P3H3: variants seen among roughly 807,000 people sequenced by gnomAD.
P3H3 encodes the protein prolyl 3-hydroxylase 3, also known as gene rich cluster, B.
Under a neutral mutation model 78.1 loss-of-function variants are expected in P3H3, and 64 were observed. The observed-to-expected ratio is 0.82, with a 90% CI of 0.67 to 1.01. The LOEUF (loss-of-function observed/expected upper bound fraction) is 1.01. P3H3 is among the 50% of genes least tolerant of loss of function. P3H3 has a pLI of 0.00. For missense variants in P3H3, 975 were observed against 982.2 expected (o/e 0.99, Z 0.10); for synonymous variants, 425 against 416.7 (o/e 1.02, Z -0.24).
Position 6,839,430 on chromosome 12 carries a change from G to A in P3H3, c.2180G>A (p.Gly727Glu), listed in dbSNP as rs1555122779. Residue 727 changes from glycine (G) to glutamate (E), a missense_variant, in exon 15 of 15, where the codon GGA (glycine) becomes GAA (glutamate). Transcript: ENST00000290510. ...RRHQRVQDKT[G>E]RAPRVREEL ...CACCAGAGGGTCCAAGACAAGACTG[G>A]AAGGGCACCTCGGGTTCGGGAGGAG... The A allele has an allele frequency of 6.4e-7, 1 of 1,551,784 alleles. No individual in the cohort carries two copies. The highest frequency in any genetic ancestry group is 8.7e-7 in the Non-Finnish European group (1 of 1,147,060).
At chr12:6,832,628 G>A (rs57782013) in intron 6 of P3H3, among the ~76,000 whole-genome samples, 9,561 of 151,774 alleles carry the variant, frequency 0.063, 437 homozygotes, top group African/African-American at 0.11. Context: ...TGGAGACAGA[G>A]TCTCACTCTG....
intron 13 of P3H3, 97 bp downstream of exon 13, chr12:6,838,130 C>A: frequency 6.7e-7 from 1 of 1,493,366 alleles, no homozygotes; most frequent in Non-Finnish European, 9.1e-7. Context: ...AGGGAAATGG[C>A]CAGGGCTTTT....
Position 6,838,037 on chromosome 12 carries a change from C to T in P3H3, c.1905+4C>T, listed in dbSNP as rs782401887. ...GCCCAACGCCCTCACTGTCACGGTG[C>T]GTGGAGTGGGGGGTGTGACGGTGTG... On this transcript the variant is annotated splice_donor_region_variant and intron_variant, in intron 13 of 14. Transcript: ENST00000290510. 27 of 1,598,516 alleles carry T rather than the reference C, an allele frequency of 1.7e-5. No homozygotes were observed. Among genetic ancestry groups the T allele is most frequent in the Middle Eastern group, 1.6e-4 (1 of 6,076 alleles).
rs145530658 is a variant in P3H3 at position 6,839,221 on chromosome 12, G to A, written c.2047-76G>A. On this transcript the variant is annotated intron_variant, in intron 14 of 14. Coordinates refer to ENST00000290510, the MANE Select transcript of P3H3 (RefSeq NM_014262.5). Reference sequence around the variant, plus strand: ...GGAGCCCCCGAGAAGGCTCACAGTCGGTGAGGGTCAGGGGCTGAGCTGACC... The same window carrying A: ...GGAGCCCCCGAGAAGGCTCACAGTCAGTGAGGGTCAGGGGCTGAGCTGACC... 6.5e-5 allele frequency: 102 copies of A among 1,569,302 alleles called. No individual in the cohort carries two copies. In the Admixed American group the frequency reaches 7.7e-4, roughly 12 times the overall value.
At chr12:6,830,962 C>T in intron 4 of P3H3, 192 bp downstream of exon 4, 1 of 873,938 alleles carries the variant, frequency 1.1e-6, no homozygotes, top group Non-Finnish European at 1.9e-6. Context: ...AGATGGGCTT[C>T]CTTCTGCCTT....
chr12:6,832,990 A>G (rs1231545133), intron 6 of P3H3, among the ~76,000 whole-genome samples: 3 of 151,774 alleles, frequency 2.0e-5, no homozygotes, highest in Non-Finnish European at 4.4e-5. Flanking sequence ...CCTGGCCAAC[A>G]TAGTGAAACC....
In P3H3 at chr12:6,829,726, G is replaced by A; in HGVS notation, c.499-133G>A. 1.1e-6 allele frequency: 1 copy of A among 917,858 alleles called. No homozygotes were observed. The allele number at this position is 917,858 out of a possible 1,614,324, so 56.9% of individuals were successfully genotyped here. A position where few individuals can be genotyped will look rare whatever the true frequency, so the allele number is the denominator to read the frequency against. ...TGCAGTTCGGGCGGTGGGCGGTTCT[G>A]ATTGGCCAGTCTTCCATGAGGCTCT... On this transcript the variant is annotated intron_variant, in intron 1 of 14. Coordinates refer to ENST00000290510, the MANE Select transcript of P3H3 (RefSeq NM_014262.5). The surrounding 1 kb of genome is among the most constrained non-coding windows in gnomAD (Gnocchi z 5.1).
Position 6,828,757 on chromosome 12 carries a change from C to A in P3H3, c.317C>A (p.Thr106Lys), listed in dbSNP as rs1943410932. The A allele has an allele frequency of 8.0e-7, 1 of 1,244,116 alleles. No homozygotes were observed. The highest frequency in any genetic ancestry group is 1.0e-6 in the Non-Finnish European group (1 of 994,150). 77.1% of individuals were successfully genotyped at this position (1,244,116 alleles called of 1,614,324 possible). A position where few individuals can be genotyped will look rare whatever the true frequency, so the allele number is the denominator to read the frequency against. The stretch of plus-strand genomic sequence containing the variant: ...GAGCCCGACTCCGGGCCGGGACCCA[C>A]GCAGGGGTCCTGGGAGCGACAGCTT... ...APEPDSGPGP[T>K]QGSWERQLLR... The change falls in exon 1 of 15, where the codon ACG becomes AAG. Residue 106 changes from threonine (T) to lysine (K), a missense_variant. Thr to Lys is a moderately conservative substitution (Grantham distance 78, BLOSUM62 -1). Coordinates refer to ENST00000290510, the MANE Select transcript of P3H3 (RefSeq NM_014262.5).
chr12:6,834,221 A>G (rs1412498989), intron 9 of P3H3, among the ~76,000 whole-genome samples, 172 bp downstream of exon 9: 1 of 152,232 alleles, frequency 6.6e-6, no homozygotes, highest in African/African-American at 2.4e-5. Context: ...AATTTAGCTG[A>G]CATAGGTGGA....
Position 6,839,598 on chromosome 12 carries a change from G to A in P3H3, c.*137G>A. On this transcript the variant is annotated 3_prime_UTR_variant, in exon 15 of 15. Transcript: ENST00000290510. ...TCTGTCCCTGCACCCCCACCATCTT[G>A]GGGACCTACAAGGGCCTGGACTCAG... is the stretch of plus-strand genomic sequence containing the variant. 9.2e-7 allele frequency: 1 copy of A among 1,081,112 alleles called. No homozygotes were observed. The highest frequency in any genetic ancestry group is 1.3e-6 in the Non-Finnish European group (1 of 770,704). 67.0% of individuals were successfully genotyped at this position (1,081,112 alleles called of 1,614,324 possible). A position where few individuals can be genotyped will look rare whatever the true frequency, so the allele number is the denominator to read the frequency against.
At chr12:6,833,176 AAAAAAC>A (rs1336584057) in intron 6 of P3H3, among the ~76,000 whole-genome samples, 4 of 151,750 alleles carry the variant, frequency 2.6e-5, no homozygotes, top group African/African-American at 7.3e-5. Flanking sequence ...CTCCGTCTCA[AAAAAAC>A]AAAAAACAAA....
chr12:6,837,537 T>C lies in P3H3; in HGVS notation c.1675T>C (p.Ser559Pro), dbSNP rs1266345894. Residue 559 changes from serine (S) to proline (P), a missense_variant, in exon 11 of 15, where the codon TCC becomes CCC. Ser to Pro is a moderately conservative substitution (Grantham distance 74). Transcript: ENST00000290510. ...CTCCCCGGAACGGCCCCTGCATCTGTCCTTCACCCACCTGGTGTGCCGCAG... is the reference window on the plus strand; with the variant it reads ...CTCCCCGGAACGGCCCCTGCATCTGCCCTTCACCCACCTGGTGTGCCGCAG... ...YFSPERPLHL[S>P]FTHLVCRSAI... 3.7e-6 allele frequency: 6 copies of C among 1,612,434 alleles called. No homozygotes were observed. In the East Asian group the frequency reaches 1.3e-4, roughly 36 times the overall value.
rs1555121365 is a variant in P3H3, at chr12:6,831,211, T to A, written c.986-5T>A. On this transcript the variant is annotated splice_region_variant and splice_polypyrimidine_tract_variant and intron_variant, in intron 4 of 14. Coordinates refer to ENST00000290510, the MANE Select transcript of P3H3 (RefSeq NM_014262.5). The surrounding 1 kb of genome is among the most constrained non-coding windows in gnomAD (Gnocchi z 4.6). ...CAACCCCTGACCTTGTCGCTCCCTC[T>A]CCAGTGGGCAATCTGTCCCAGGCTA... 6.2e-7 allele frequency: 1 copy of A among 1,613,490 alleles called. No individual in the cohort carries two copies. Among genetic ancestry groups the A allele is most frequent in the Non-Finnish European group, 8.5e-7 (1 of 1,179,762 alleles).
In P3H3 at chr12:6,839,831, G is replaced by A. The variant is rs1252609623; in HGVS notation, c.*370G>A. On this transcript the variant is annotated 3_prime_UTR_variant, in exon 15 of 15. Transcript: ENST00000290510. ...CTCTCTCCCAGTCTGTGCAATAAAG[G>A]TCGTGAAGATCTCTCAGCCAGGGGC... The A allele has an allele frequency of 1.0e-5, 2 of 193,476 alleles. No individual in the cohort carries two copies. The highest frequency in any genetic ancestry group is 2.1e-5 in the Non-Finnish European group (2 of 93,222). The allele number at this position is 193,476 out of a possible 1,614,324, so 12.0% of individuals were successfully genotyped here. A position where few individuals can be genotyped will look rare whatever the true frequency, so the allele number is the denominator to read the frequency against.
Position 6,836,331 on chromosome 12 carries a change from A to C in P3H3, c.1459-654A>C, listed in dbSNP as rs190284863. On this transcript the variant is annotated intron_variant, in intron 9 of 14. Coordinates refer to ENST00000290510, the MANE Select transcript of P3H3 (RefSeq NM_014262.5). ...AGGCGTAACTAGATAGTGGTGCTTA[A>C]ACAAATTCAAAAAGTAGACAAAAAA... is the stretch of plus-strand genomic sequence containing the variant. Among the ~76,000 whole-genome samples the C allele has an allele frequency of 2.6e-5, 4 of 152,210 alleles. No individual in the cohort carries two copies. In the East Asian group the frequency reaches 7.7e-4, roughly 29 times the overall value.
rs781822483 is a variant in P3H3, at chr12:6,829,970, C to CG, written c.612dup (p.Pro205AlafsTer17). 5.6e-6 allele frequency: 9 copies of CG among 1,613,890 alleles called. No homozygotes were observed. The highest frequency in any genetic ancestry group is 1.3e-5 in the African/African-American group (1 of 74,934). On this transcript the variant is annotated frameshift_variant, in exon 2 of 15. Transcript: ENST00000290510. LOFTEE classifies it high-confidence loss of function. The surrounding 1 kb of genome is among the most constrained non-coding windows in gnomAD (Gnocchi z 5.1). ...TAAGTACAGACGAATGTCGGGAGTT[C>CG]GGCCCCAGAGCTTCCGGGACCTGGA... is the stretch of plus-strand genomic sequence containing the variant.
At chr12:6,834,098 A>G in intron 9 of P3H3, 49 bp downstream of exon 9, 3 of 1,608,416 alleles carry the variant, frequency 1.9e-6, no homozygotes, top group Non-Finnish European at 2.5e-6. Context: ...CTTGGATACA[A>G]TCACCTGTTC....
rs201792833 is a variant in P3H3 at position 6,833,799 on chromosome 12, C to T, written c.1323C>T (p.Thr441=). ...AGCCCGTGAAGCCAAAGCCCTTGAC[C>T]TACTGGAAGGGTGAGTTCCTGGGAG... The part of the protein sequence containing the change: ...DHEPVKPKPL[T]YWKDVLLLEG... The change falls in exon 8 of 15, where the codon ACC becomes ACT. Residue 441 remains threonine, a synonymous_variant. Coordinates refer to ENST00000290510, the MANE Select transcript of P3H3 (RefSeq NM_014262.5). 1,617 of 1,611,742 alleles carry T rather than the reference C, an allele frequency of 1.0e-3. No individual in the cohort carries two copies. Among genetic ancestry groups the T allele is most frequent in the Non-Finnish European group, 1.3e-3 (1,537 of 1,177,994 alleles).
At position 6,831,036 on chromosome 12, in the gene P3H3, A is replaced by G. The variant is rs1555121346; in HGVS notation, c.986-180A>G. 2.3e-6 allele frequency: 2 copies of G among 886,586 alleles called. No individual in the cohort carries two copies. Among genetic ancestry groups the G allele is most frequent in the Non-Finnish European group, 1.9e-6 (1 of 534,492 alleles). The allele number at this position is 886,586 out of a possible 1,614,324, so 54.9% of individuals were successfully genotyped here. ...CTTCTTTGAACTCTCCAGCTAAGGT[A>G]TGTTTGCACCAGTGTTTGAAAGAAC... On this transcript the variant is annotated intron_variant, in intron 4 of 14. Coordinates refer to ENST00000290510, the MANE Select transcript of P3H3 (RefSeq NM_014262.5). The surrounding 1 kb of genome is among the most constrained non-coding windows in gnomAD (Gnocchi z 4.6).
Sources: gnomAD v4.1 joint callset for allele counts (sites outside exome capture counted in the v4.1 genomes callset) on GRCh38, gnomAD v4.1.1 for gene constraint, Gnocchi (gnomAD v3.1) non-coding constraint, MANE v1.5 for transcripts, NCBI Gene and HGNC (gene_info 2026-07-23, HGNC 2026-07-21) for gene names.